PUM2: variants seen among roughly 807,000 people sequenced by gnomAD.
The protein encoded by PUM2 is pumilio RNA binding family member 2, also known as pumilio homolog 2.
PUM2 carries 57 observed loss-of-function variants against 124.5 expected under a neutral mutation model. The ratio of observed to expected loss-of-function variants is 0.46; its 90% CI spans 0.37 to 0.57. The LOEUF (loss-of-function observed/expected upper bound fraction) is 0.57. PUM2 is among the 20% of genes least tolerant of loss of function. The pLI, the probability that PUM2 is intolerant of heterozygous loss-of-function variation, is 0.00. For synonymous variants in PUM2, 460 were observed against 446.1 expected, an observed-to-expected ratio of 1.03 and a Z score of -0.39; for missense variants, 1,065 against 1,290.6, an observed-to-expected ratio of 0.83 and a Z score of 2.68.
intron 13 of PUM2, among the ~76,000 whole-genome samples, chr2:20,267,184 G>A (rs928193755): frequency 2.9e-5 from 4 of 136,568 alleles, no homozygotes; most frequent in Non-Finnish European, 6.5e-5. Context: ...CACCATGCCC[G>A]GCTAAGTTTG....
At chr2:20,272,140 G>A (rs1669166835) in intron 13 of PUM2, among the ~76,000 whole-genome samples, 1 of 150,774 alleles carries the variant, frequency 6.6e-6, no homozygotes, top group Non-Finnish European at 1.5e-5. Flanking sequence ...CTGGGGGGCA[G>A]AGCAAGACTT....
At chr2:20,289,106 A>G (rs1673403731) in intron 10 of PUM2, among the ~76,000 whole-genome samples, 1 of 152,052 alleles carries the variant, frequency 6.6e-6, no homozygotes, top group African/African-American at 2.4e-5. Flanking sequence ...GCCGGCCAAT[A>G]TGGTGAAGCC....
At chr2:20,261,530 T>TAAAA in intron 14 of PUM2, among the ~76,000 whole-genome samples, 1 of 139,048 alleles carries the variant, frequency 7.2e-6, no homozygotes, top group South Asian at 2.3e-4. Context: ...TCCACTTGTT[T>TAAAA]AAAAAAAAAA....
intron 7 of PUM2, among the ~76,000 whole-genome samples, chr2:20,301,055 T>C (rs1676849301): frequency 6.6e-6 from 1 of 152,228 alleles, no homozygotes; most frequent in Non-Finnish European, 1.5e-5. Flanking sequence ...CAGCTTCCAG[T>C]TGTCCCATAT....
At chr2:20,289,489 T>C (rs1343009293) in intron 10 of PUM2, among the ~76,000 whole-genome samples, 1 of 152,104 alleles carries the variant, frequency 6.6e-6, no homozygotes, top group Non-Finnish European at 1.5e-5. Context: ...AGGTCTCTAA[T>C]CCACAATGAC....
intron 16 of PUM2, among the ~76,000 whole-genome samples, chr2:20,257,415 C>T (rs946741194): frequency 6.6e-5 from 10 of 152,190 alleles, no homozygotes; most frequent in African/African-American, 2.4e-4. Context: ...AATCTCTTTC[C>T]AAACTTAAAC....
intron 13 of PUM2, among the ~76,000 whole-genome samples, chr2:20,270,394 G>A (rs1190922141): frequency 2.0e-5 from 3 of 152,044 alleles, no homozygotes; most frequent in African/African-American, 7.2e-5. Context: ...TGATTACTAA[G>A]GATTTATGCA....
chr2:20,331,164 T>C (rs1313631432), intron 1 of PUM2, among the ~76,000 whole-genome samples: 1 of 148,556 alleles, frequency 6.7e-6, no homozygotes, highest in Non-Finnish European at 1.5e-5. Flanking sequence ...TGTTTGGGAA[T>C]AGAAAGAATG....
At chr2:20,253,041 C>T (rs569319733) in intron 20 of PUM2, among the ~76,000 whole-genome samples, 2 of 152,268 alleles carry the variant, frequency 1.3e-5, no homozygotes, top group East Asian at 3.9e-4. Flanking sequence ...ATATAAGGGA[C>T]TTGAGCATCC....
In PUM2 at chr2:20,336,474, C is replaced by T. The variant is rs6749738; in HGVS notation, c.-18-9096G>A. ...AAATGCTAGCATTACAGGAATGAGC[C>T]AATGTGCCTGGCCTAAAAAGTGGTT... On this transcript the variant is annotated intron_variant, in intron 1 of 20. Transcript: ENST00000361078. Among the ~76,000 whole-genome samples, 1,073 of 151,832 alleles carry T rather than the reference C, an allele frequency of 7.1e-3. 19 individuals are homozygous for T. The highest frequency in any genetic ancestry group is 0.024 in the African/African-American group (1,006 of 41,366).
intron 1 of PUM2, among the ~76,000 whole-genome samples, chr2:20,344,982 CAAAA>C (rs762460030): frequency 9.1e-5 from 6 of 66,262 alleles, no homozygotes; most frequent in African/African-American, 3.3e-4. Context: ...GACTCTGTCT[CAAAA>C]AAAAAAAAAA....
In PUM2 at chr2:20,250,114, T is replaced by C. The variant is rs1662944967; in HGVS notation, c.*1471A>G. The C allele has an allele frequency of 6.6e-6, 1 of 152,622 alleles. No individual in the cohort carries two copies. The highest frequency in any genetic ancestry group is 2.4e-5 in the African/African-American group (1 of 41,460). The allele number at this position is 152,622 out of a possible 1,614,324, so 9.5% of individuals were successfully genotyped here. On this transcript the variant is annotated 3_prime_UTR_variant, in exon 21 of 21. Coordinates refer to ENST00000361078, the MANE Select transcript of PUM2 (RefSeq NM_015317.5). Reference sequence around the variant, plus strand: ...AAGATGAAAAAAGCATTGGCCTCCATGGTAACCAAATATCTCAGTCCAATA... The same window carrying C: ...AAGATGAAAAAAGCATTGGCCTCCACGGTAACCAAATATCTCAGTCCAATA...
At chr2:20,261,272 G>C (rs1359092171) in intron 14 of PUM2, among the ~76,000 whole-genome samples, 1 of 151,176 alleles carries the variant, frequency 6.6e-6, no homozygotes, top group Non-Finnish European at 1.5e-5. Flanking sequence ...ACGCCTGTAA[G>C]CCCAGCTACT....
chr2:20,282,133 A>G (rs1391681607), intron 12 of PUM2, among the ~76,000 whole-genome samples: 3 of 152,240 alleles, frequency 2.0e-5, no homozygotes, highest in African/African-American at 7.2e-5. Context: ...GAACTGGGTC[A>G]GCTGTTTTTT....
chr2:20,301,324 G>C (rs1024830393), intron 7 of PUM2, among the ~76,000 whole-genome samples: 1 of 151,784 alleles, frequency 6.6e-6, no homozygotes, highest in African/African-American at 2.4e-5. Context: ...AATGTATTAG[G>C]GTTCCTGTTC....
At chr2:20,350,361 A>T in intron 1 of PUM2, 1 of 656,914 alleles carries the variant, frequency 1.5e-6, no homozygotes, top group Non-Finnish European at 1.9e-6. Context: ...AGAGGGAAGG[A>T]AGCGGGAAAG....
intron 1 of PUM2, among the ~76,000 whole-genome samples, chr2:20,336,774 GT>G (rs1686189598): frequency 7.5e-6 from 1 of 133,276 alleles, no homozygotes; most frequent in African/African-American, 2.9e-5. Context: ...GTGTGTGTGT[GT>G]GTGTGTGTGT....
chr2:20,277,156 T>C (rs1244072895), intron 13 of PUM2, among the ~76,000 whole-genome samples: 1 of 152,068 alleles, frequency 6.6e-6, no homozygotes, highest in Non-Finnish European at 1.5e-5. Flanking sequence ...AACTTACCTA[T>C]GAAAAGATGA....
At chr2:20,336,746 ATCTGTGTGTGTGTGTGTGTGTGTG>A (rs1686158398) in intron 1 of PUM2, among the ~76,000 whole-genome samples, 1 of 87,312 alleles carries the variant, frequency 1.1e-5, no homozygotes, top group Non-Finnish European at 2.3e-5. Flanking sequence ...GCCCAGGCTG[ATCTGTGTGTGTGTGTGTGTGTGTG>A]TGTGTGTGTG....
Sources: gnomAD v4.1 joint callset for allele counts (sites outside exome capture counted in the v4.1 genomes callset) on GRCh38, gnomAD v4.1.1 for gene constraint, MANE v1.5 for transcripts, NCBI Gene and HGNC (gene_info 2026-07-23, HGNC 2026-07-21) for gene names.